Variants in ULK4 observed in about 807,000 individuals in gnomAD.
ULK4 encodes the protein unc-51 like kinase 4.
Under a neutral mutation model 160.6 loss-of-function variants are expected in ULK4, and 133 were observed. That is an observed-to-expected ratio of 0.83 (90% CI 0.72 to 0.96). The LOEUF is 0.96. Ranked by LOEUF, ULK4 falls within the 40% of genes least tolerant of loss-of-function variation. The pLI, the probability that ULK4 is intolerant of heterozygous loss-of-function variation, is 0.00. For missense variants in ULK4, 1,580 were observed against 1,499.5 expected (o/e 1.05, Z -0.89); for synonymous variants, 534 against 539.8 (o/e 0.99, Z 0.15).
At chr3:41,897,040 G>A (rs1407105612) in intron 14 of ULK4, 37 bp from the exon 15 acceptor site, 2 of 1,535,026 alleles carry the variant, frequency 1.3e-6, no homozygotes, top group East Asian at 2.3e-5. Flanking sequence ...TACATATGAT[G>A]AGAAAAAGAA....
chr3:41,324,007 A>T (rs1307859297), intron 35 of ULK4, among the ~76,000 whole-genome samples: 1 of 152,202 alleles, frequency 6.6e-6, no homozygotes, highest in Non-Finnish European at 1.5e-5. Flanking sequence ...TTTCACTTTA[A>T]GGGATTATGC....
chr3:41,928,392 A>C (rs1335390321), intron 5 of ULK4, among the ~76,000 whole-genome samples: 6 of 152,208 alleles, frequency 3.9e-5, no homozygotes, highest in African/African-American at 1.4e-4. Context: ...CCCACAAGAG[A>C]AAGTAGGAAA....
chr3:41,840,677 T>C (rs1378925003), intron 17 of ULK4, among the ~76,000 whole-genome samples: 2 of 152,158 alleles, frequency 1.3e-5, no homozygotes, highest in Admixed American at 1.3e-4. Flanking sequence ...CACTCAATGC[T>C]CAGTGTTGCC....
intron 34 of ULK4, among the ~76,000 whole-genome samples, chr3:41,399,185 TAC>T (rs1409899424): frequency 6.6e-6 from 1 of 152,178 alleles, no homozygotes; most frequent in Non-Finnish European, 1.5e-5. Context: ...TCTTTTTAGT[TAC>T]AGTTATCTTA....
At chr3:41,868,643 T>A (rs2125690912) in intron 17 of ULK4, among the ~76,000 whole-genome samples, 1 of 148,794 alleles carries the variant, frequency 6.7e-6, no homozygotes, top group Non-Finnish European at 1.5e-5. Context: ...GCGTGCACCA[T>A]CATATCCACC....
chr3:41,474,816 ATT>A (rs1402778075), intron 32 of ULK4, among the ~76,000 whole-genome samples: 1 of 101,318 alleles, frequency 9.9e-6, no homozygotes, highest in African/African-American at 5.4e-5. Flanking sequence ...CAGAATGATT[ATT>A]ATTAAAAAAA....
intron 35 of ULK4, among the ~76,000 whole-genome samples, chr3:41,281,536 C>T (rs1331053720): frequency 6.6e-6 from 1 of 152,112 alleles, no homozygotes; most frequent in African/African-American, 2.4e-5. Context: ...ATAAACAGAA[C>T]CAACAACAAA....
rs2082100096 is a variant in ULK4 at position 41,398,076 on chromosome 3, C to T, written c.3678+3G>A. 1 of 1,611,692 alleles carries T rather than the reference C, an allele frequency of 6.2e-7. No homozygotes were observed. Among genetic ancestry groups the T allele is most frequent in the Admixed American group, 1.7e-5 (1 of 59,598 alleles). On this transcript the variant is annotated splice_donor_region_variant and intron_variant, in intron 35 of 36. Transcript: ENST00000301831. ...AGTGTCCCCGGTTTCTGTGTGAACTCACCATTCTTCTGAGAATCCTTAACA... is the reference window on the plus strand; with the variant it reads ...AGTGTCCCCGGTTTCTGTGTGAACTTACCATTCTTCTGAGAATCCTTAACA...
At chr3:41,791,882 A>G (rs2040162144) in intron 20 of ULK4, among the ~76,000 whole-genome samples, 1 of 152,238 alleles carries the variant, frequency 6.6e-6, no homozygotes, top group Non-Finnish European at 1.5e-5. Context: ...CACCTATAAA[A>G]TTCTACAAAC....
rs141516099 is a variant in ULK4, at chr3:41,792,901, G to A, written c.2011-3058C>T. 6.1e-3 allele frequency among the ~76,000 whole-genome samples: 934 copies of A among 152,322 alleles called. 6 individuals carry two copies. Among genetic ancestry groups the A allele is most frequent in the African/African-American group, 0.022 (902 of 41,574 alleles). On this transcript the variant is annotated intron_variant, in intron 20 of 36. Transcript: ENST00000301831. ...TTATTAAAATAGAGTATGGCCGGGCGCAGTGGCTCACGCCTGCAATCCCAG... is the reference window on the plus strand; with the variant it reads ...TTATTAAAATAGAGTATGGCCGGGCACAGTGGCTCACGCCTGCAATCCCAG...
chr3:41,634,899 A>T (rs1379016510), intron 30 of ULK4, among the ~76,000 whole-genome samples: 1 of 152,228 alleles, frequency 6.6e-6, no homozygotes, highest in Non-Finnish European at 1.5e-5. Flanking sequence ...TGAGAAGAGC[A>T]AAGTTGGAAA....
intron 21 of ULK4, among the ~76,000 whole-genome samples, chr3:41,784,507 A>G (rs1026092213): frequency 1.3e-5 from 2 of 152,230 alleles, no homozygotes; most frequent in Non-Finnish European, 2.9e-5. Context: ...TTTTTAATCA[A>G]AAGTCCCCTC....
intron 13 of ULK4, 47 bp from the exon 14 acceptor site, chr3:41,898,539 G>T (rs747992414): frequency 8.3e-7 from 1 of 1,197,922 alleles, no homozygotes; most frequent in Non-Finnish European, 1.2e-6. Context: ...TTTTAAGATG[G>T]ATATCTGTCT....
At chr3:41,636,115 A>T (rs899650348) in intron 30 of ULK4, among the ~76,000 whole-genome samples, 3 of 149,400 alleles carry the variant, frequency 2.0e-5, no homozygotes, top group Non-Finnish European at 4.4e-5. Context: ...AACTTACATA[A>T]ACTCTGAGTG....
intron 32 of ULK4, among the ~76,000 whole-genome samples, chr3:41,467,257 G>A (rs867814122): frequency 7.9e-5 from 12 of 152,170 alleles, no homozygotes; most frequent in African/African-American, 2.2e-4. Context: ...GCCAGGCACC[G>A]TGGCTCACAC....
chr3:41,711,855 T>G (rs898107576), intron 25 of ULK4, among the ~76,000 whole-genome samples: 2 of 152,158 alleles, frequency 1.3e-5, no homozygotes, highest in Non-Finnish European at 2.9e-5. Flanking sequence ...CCAGCCCAAT[T>G]CAATGGAGGA....
At chr3:41,743,779 C>A (rs925377220) in intron 22 of ULK4, among the ~76,000 whole-genome samples, 2 of 151,908 alleles carry the variant, frequency 1.3e-5, no homozygotes, top group Non-Finnish European at 2.9e-5. Context: ...AATTCTCCTG[C>A]ATCAGCCTCC....
chr3:41,456,530 T>A (rs1056687695), intron 33 of ULK4, among the ~76,000 whole-genome samples: 3 of 152,218 alleles, frequency 2.0e-5, no homozygotes, highest in Admixed American at 6.5e-5. Context: ...TAGACTTAAA[T>A]GGCAATGAAA....
At chr3:41,917,778 G>C (rs1699019614) in intron 7 of ULK4, among the ~76,000 whole-genome samples, 1 of 152,022 alleles carries the variant, frequency 6.6e-6, no homozygotes, top group Non-Finnish European at 1.5e-5. Context: ...TCAGGAGTTT[G>C]AGACCAGCCT....
Sources: gnomAD v4.1 joint callset for allele counts (sites outside exome capture counted in the v4.1 genomes callset) on GRCh38, gnomAD v4.1.1 for gene constraint, MANE v1.5 for transcripts, NCBI Gene and HGNC (gene_info 2026-07-23, HGNC 2026-07-21) for gene names.